KCNN3: variants seen among roughly 807,000 people sequenced by gnomAD.
KCNN3 encodes potassium calcium-activated channel subfamily N member 3.
A neutral mutation model predicts 62.9 loss-of-function variants in KCNN3; 16 were observed. That is an observed-to-expected ratio of 0.25 (90% CI 0.17 to 0.39). The LOEUF (loss-of-function observed/expected upper bound fraction) is 0.39, where lower values mean the gene tolerates loss of function less well. KCNN3 is among the 10% of genes least tolerant of loss of function. KCNN3 has a pLI of 1.00. For synonymous variants in KCNN3, 370 were observed against 389.2 expected, an observed-to-expected ratio of 0.95 and a Z score of 0.58; for missense variants, 599 against 949.4, an observed-to-expected ratio of 0.63 and a Z score of 4.85.
chr1:154,752,670 T>TA (rs11378636), intron 3 of KCNN3, among the ~76,000 whole-genome samples: 133,592 of 152,146 alleles, frequency 0.88, 58,785 homozygotes, highest in East Asian at 1. Flanking sequence ...CCTTATTTAT[T>TA]AAAAAACAAT....
At chr1:154,727,838 C>G (rs1251603128) in intron 4 of KCNN3, among the ~76,000 whole-genome samples, 2 of 152,202 alleles carry the variant, frequency 1.3e-5, no homozygotes, top group Admixed American at 6.5e-5. Context: ...GCTCCCTTCC[C>G]CTCGACCGGA....
chr1:154,835,100 A>C (rs1171794585), intron 1 of KCNN3, among the ~76,000 whole-genome samples: 1 of 152,172 alleles, frequency 6.6e-6, no homozygotes, highest in Non-Finnish European at 1.5e-5. Flanking sequence ...CTATTCAATG[A>C]GACTAAAAAA....
At chr1:154,826,062 CAAAAACAAAAACA>C (rs1184758301) in intron 1 of KCNN3, among the ~76,000 whole-genome samples, 2 of 129,406 alleles carry the variant, frequency 1.5e-5, no homozygotes, top group African/African-American at 6.5e-5. Context: ...AAAACAAAAA[CAAAAACAAAAACA>C]AAAACAAAAA....
chr1:154,869,107 A>G lies in KCNN3; in HGVS notation c.858T>C (p.Tyr286=). ...TTCCAAACATCCCAAAAATCAGAGC[A>G]TAGTCACTCAGTCGCTTTCTCTTTT... ...LFEKRKRLSD[Y]ALIFGMFGIV... The change falls in exon 1 of 8, where the codon TAT becomes TAC. Residue 286 remains tyrosine, a synonymous_variant. Coordinates refer to ENST00000271915, the MANE Select transcript of KCNN3 (RefSeq NM_002249.6). This position sits in a 1 kb window ranked among gnomAD's most constrained non-coding sequence, Gnocchi z 6.1. 6.2e-7 allele frequency: 1 copy of G among 1,614,170 alleles called. No homozygotes were observed. The highest frequency in any genetic ancestry group is 8.5e-7 in the Non-Finnish European group (1 of 1,180,018).
intron 3 of KCNN3, among the ~76,000 whole-genome samples, chr1:154,764,336 A>G (rs1393922478): frequency 1.3e-5 from 2 of 152,134 alleles, no homozygotes; most frequent in Non-Finnish European, 2.9e-5. Context: ...GGGTAGGGAA[A>G]AGGCTCTCAG....
chr1:154,828,956 C>A (rs942609500), intron 1 of KCNN3, among the ~76,000 whole-genome samples: 1 of 152,252 alleles, frequency 6.6e-6, no homozygotes, highest in East Asian at 1.9e-4. Flanking sequence ...CATATATTCA[C>A]TGAGCACTTA....
At chr1:154,734,427 G>A (rs1223039156) in intron 3 of KCNN3, among the ~76,000 whole-genome samples, 2 of 152,168 alleles carry the variant, frequency 1.3e-5, no homozygotes, top group Non-Finnish European at 2.9e-5. Context: ...AGTTACCATT[G>A]GGGCTTCCGT....
chr1:154,742,374 C>T (rs1022279323), intron 3 of KCNN3, among the ~76,000 whole-genome samples: 1 of 152,222 alleles, frequency 6.6e-6, no homozygotes, highest in Non-Finnish European at 1.5e-5. Context: ...GTTCCAGGGC[C>T]AGAACACCTA....
At chr1:154,756,006 C>T (rs1460563625) in intron 3 of KCNN3, among the ~76,000 whole-genome samples, 2 of 111,368 alleles carry the variant, frequency 1.8e-5, no homozygotes, top group Non-Finnish European at 3.4e-5. Flanking sequence ...AACAAGAAGC[C>T]AAAGGCAAAG....
At chr1:154,724,187 G>A (rs1487784209) in intron 5 of KCNN3, among the ~76,000 whole-genome samples, 1 of 152,212 alleles carries the variant, frequency 6.6e-6, no homozygotes, top group Non-Finnish European at 1.5e-5. Flanking sequence ...TAATTCTGCT[G>A]AGAAACTGGA....
intron 1 of KCNN3, among the ~76,000 whole-genome samples, chr1:154,853,469 G>A (rs1652386528): frequency 6.6e-6 from 1 of 151,926 alleles, no homozygotes; most frequent in Non-Finnish European, 1.5e-5. Flanking sequence ...CCAAGTAGCT[G>A]GGACCACAGG....
Position 154,707,811 on chromosome 1 carries a change from G to T in KCNN3, c.*165C>A. 2.6e-6 allele frequency: 2 copies of T among 764,302 alleles called. No individual in the cohort carries two copies. The highest frequency in any genetic ancestry group is 4.2e-6 in the Non-Finnish European group (2 of 477,062). 47.3% of individuals were successfully genotyped at this position (764,302 alleles called of 1,614,324 possible). A position where few individuals can be genotyped will look rare whatever the true frequency, so the allele number is the denominator to read the frequency against. On this transcript the variant is annotated 3_prime_UTR_variant, in exon 8 of 8. Coordinates refer to ENST00000271915, the MANE Select transcript of KCNN3 (RefSeq NM_002249.6). ...CAGAGATTAGATTTCTGGTTTCAAG[G>T]CATGTCGGACCAAGCACGCTGAATG...
chr1:154,822,203 G>A lies in KCNN3; in HGVS notation c.934-19C>T. On this transcript the variant is annotated intron_variant, in intron 1 of 7. Coordinates refer to ENST00000271915, the MANE Select transcript of KCNN3 (RefSeq NM_002249.6). ...TGGAGTCCTGCAGGAACAATGGAGA[G>A]AGAGAATTAGGGAGTGCGGGGAAAG... 6.4e-7 allele frequency: 1 copy of A among 1,560,852 alleles called. No individual in the cohort carries two copies. Among genetic ancestry groups the A allele is most frequent in the South Asian group, 1.1e-5 (1 of 89,964 alleles).
chr1:154,847,429 T>C (rs1652119982), intron 1 of KCNN3, among the ~76,000 whole-genome samples: 1 of 152,124 alleles, frequency 6.6e-6, no homozygotes. Context: ...GAGTCACCAA[T>C]GACACAAGCA....
In KCNN3 at chr1:154,869,563, G is replaced by C. The variant is rs750875567; in HGVS notation, c.402C>G (p.Asp134Glu). 2.0e-5 allele frequency: 32 copies of C among 1,614,026 alleles called. No homozygotes were observed. The South Asian group carries it at 3.5e-4, about 18-fold the overall frequency. The change falls in exon 1 of 8, where the codon GAC (aspartate) becomes GAG (glutamate). Residue 134 changes from aspartate (D) to glutamate (E), a missense_variant. Asp to Glu is a conservative substitution (Grantham distance 45). Coordinates refer to ENST00000271915, the MANE Select transcript of KCNN3 (RefSeq NM_002249.6). This position sits in a 1 kb window ranked among gnomAD's most constrained non-coding sequence, Gnocchi z 6.1. ...SRQGSQLNLN[D>E]HLLGHSPSST... Reference sequence around the variant, plus strand: ...AACTTGGAGAGTGGCCAAGCAAGTGGTCATTGAGATTGAGCTGGCTGCCTT... The same window carrying C: ...AACTTGGAGAGTGGCCAAGCAAGTGCTCATTGAGATTGAGCTGGCTGCCTT...
At chr1:154,834,227 G>A (rs569908453) in intron 1 of KCNN3, among the ~76,000 whole-genome samples, 1 of 152,336 alleles carries the variant, frequency 6.6e-6, no homozygotes, top group South Asian at 2.1e-4. Context: ...CAGCAATGGG[G>A]CACGACACGA....
Position 154,866,339 on chromosome 1 carries a change from A to G in KCNN3, c.933+2693T>C, listed in dbSNP as rs866050781. Among the ~76,000 whole-genome samples the G allele has an allele frequency of 7.2e-5, 11 of 152,298 alleles. No individual in the cohort carries two copies. The Middle Eastern group carries it at 0.01, about 141-fold the overall frequency. On this transcript the variant is annotated intron_variant, in intron 1 of 7. Coordinates refer to ENST00000271915, the MANE Select transcript of KCNN3 (RefSeq NM_002249.6). ...ATTGTCATCATCAGTAACAATCACAATAGGTCCCATTTGTTGAGCAGGCAG... is the reference window on the plus strand; with the variant it reads ...ATTGTCATCATCAGTAACAATCACAGTAGGTCCCATTTGTTGAGCAGGCAG...
intron 1 of KCNN3, chr1:154,859,969 T>C: frequency 2.7e-6 from 2 of 740,770 alleles, no homozygotes; most frequent in East Asian, 3.1e-5. Context: ...TTTAGTATCA[T>C]CAAGGCTCTG....
chr1:154,709,813 A>G (rs1261762461), intron 7 of KCNN3, among the ~76,000 whole-genome samples: 1 of 152,130 alleles, frequency 6.6e-6, no homozygotes, highest in Non-Finnish European at 1.5e-5. Flanking sequence ...GGAATGTGCA[A>G]AATCACCCAT....
Sources: allele counts gnomAD v4.1 joint callset (sites outside exome capture counted in the v4.1 genomes callset), GRCh38; gene constraint gnomAD v4.1.1; non-coding constraint Gnocchi (gnomAD v3.1); transcripts MANE v1.5; gene names NCBI Gene and HGNC (gene_info 2026-07-23, HGNC 2026-07-21).